The following KAZN variants were observed in gnomAD, a reference collection of about 807,000 sequenced individuals.
KAZN encodes the protein kazrin, periplakin interacting protein, also known as kazrin.
Under a neutral mutation model 87.4 loss-of-function variants are expected in KAZN, and 40 were observed. The ratio of observed to expected loss-of-function variants is 0.46; its 90% confidence interval spans 0.36 to 0.60. KAZN has a LOEUF of 0.60. KAZN is among the 20% of genes least tolerant of loss of function. The pLI is 0.00. For synonymous variants in KAZN, 466 were observed against 458.3 expected (o/e 1.02, Z -0.22); for missense variants, 898 against 1,073.9 (o/e 0.84, Z 2.29).
chr1:14,246,593 C>T (rs1649536661), intron 2 of KAZN, among the ~76,000 whole-genome samples: 2 of 151,986 alleles, frequency 1.3e-5, no homozygotes, highest in African/African-American at 4.8e-5. Flanking sequence ...TACTCCTGAC[C>T]CAGCTCAAAG....
intron 1 of KAZN, among the ~76,000 whole-genome samples, chr1:14,165,795 A>AG (rs1389550206): frequency 6.6e-6 from 1 of 152,174 alleles, no homozygotes; most frequent in Non-Finnish European, 1.5e-5. Flanking sequence ...AAATAGCTTC[A>AG]TGTCTTAGGG....
intron 8 of KAZN, among the ~76,000 whole-genome samples, chr1:15,092,060 GT>G (rs57460680): frequency 2.0e-4 from 23 of 114,422 alleles, no homozygotes; most frequent in South Asian, 5.5e-4. Flanking sequence ...TTGTTTTTTT[GT>G]TTTTTTTTTT....
intron 4 of KAZN, among the ~76,000 whole-genome samples, chr1:15,050,016 CAGAGT>C (rs1277868023): frequency 2.5e-5 from 3 of 121,630 alleles, no homozygotes; most frequent in African/African-American, 1.2e-4. Context: ...GAGACTCCAT[CAGAGT>C]AGAGTAGGGT....
chr1:14,439,458 C>T (rs1321608862), intron 2 of KAZN, among the ~76,000 whole-genome samples: 2 of 152,148 alleles, frequency 1.3e-5, no homozygotes, highest in African/African-American at 4.8e-5. Context: ...GCCAGAATGT[C>T]TCTTCTCTGC....
At chr1:14,928,521 TA>T (rs754307692) in intron 1 of KAZN, among the ~76,000 whole-genome samples, 2 of 151,444 alleles carry the variant, frequency 1.3e-5, no homozygotes, top group African/African-American at 2.4e-5. Context: ...TTTTTATCCT[TA>T]AAAAAAAAGT....
intron 2 of KAZN, among the ~76,000 whole-genome samples, chr1:14,462,326 G>C (rs1227795462): frequency 1.3e-5 from 2 of 151,978 alleles, no homozygotes; most frequent in Non-Finnish European, 2.9e-5. Context: ...ATACAAACCT[G>C]GGTCCTGGAA....
At chr1:14,871,649 AGTGTGTGT>A (rs3033520) in intron 1 of KAZN, among the ~76,000 whole-genome samples, 2 of 144,550 alleles carry the variant, frequency 1.4e-5, no homozygotes, top group Middle Eastern at 3.2e-3. Flanking sequence ...CATGAGCAGC[AGTGTGTGT>A]GTGTGTGTGT....
intron 1 of KAZN, among the ~76,000 whole-genome samples, chr1:14,169,302 C>G (rs965322026): frequency 6.6e-6 from 1 of 152,032 alleles, no homozygotes; most frequent in Non-Finnish European, 1.5e-5. Flanking sequence ...CTCTTCTCTC[C>G]CCTCCCCTCC....
intron 2 of KAZN, among the ~76,000 whole-genome samples, chr1:14,348,050 A>T (rs1323716202): frequency 8.5e-5 from 1 of 11,726 alleles, no homozygotes; most frequent in Non-Finnish European, 1.9e-4. Context: ...ACACCTGGCT[A>T]ATTTTTTTTT....
intron 2 of KAZN, among the ~76,000 whole-genome samples, chr1:14,519,011 C>T (rs1671440834): frequency 6.6e-6 from 1 of 152,060 alleles, no homozygotes; most frequent in Admixed American, 6.6e-5. Flanking sequence ...AAGTATTTTG[C>T]CTTCTTTGGG....
chr1:14,419,113 G>A (rs1197221635), intron 2 of KAZN, among the ~76,000 whole-genome samples: 1 of 152,116 alleles, frequency 6.6e-6, no homozygotes, highest in Non-Finnish European at 1.5e-5. Context: ...TTATCTCTTG[G>A]TAGCACCCCA....
chr1:14,363,028 TGAA>T (rs540398530), intron 2 of KAZN, among the ~76,000 whole-genome samples: 3 of 152,116 alleles, frequency 2.0e-5, no homozygotes, highest in African/African-American at 4.8e-5. Context: ...TCTCCTCCTA[TGAA>T]GAAGCAGCTG....
chr1:14,013,581 T>C (rs767228678), intron 1 of KAZN, among the ~76,000 whole-genome samples: 5 of 152,192 alleles, frequency 3.3e-5, no homozygotes, highest in African/African-American at 1.2e-4. Flanking sequence ...ATTCGTGCTG[T>C]ATCTCAGAGA....
intron 1 of KAZN, among the ~76,000 whole-genome samples, chr1:14,733,194 G>A (rs774739006): frequency 6.6e-6 from 1 of 152,106 alleles, no homozygotes; most frequent in Non-Finnish European, 1.5e-5. Flanking sequence ...ACTGCCCCAG[G>A]CTTGGTAATT....
chr1:14,658,075 C>T (rs2148709398), intron 1 of KAZN, among the ~76,000 whole-genome samples: 1 of 152,226 alleles, frequency 6.6e-6, no homozygotes, highest in Middle Eastern at 3.4e-3. Context: ...AGCAATTGCA[C>T]CTGGAGTCTT....
At position 14,469,180 on chromosome 1, in the gene KAZN, T is replaced by C. The variant is rs56005206; in HGVS notation, c.250-129803T>C. On this transcript the variant is annotated intron_variant, in intron 2 of 16. Transcript: ENST00000636203. Reference sequence around the variant, plus strand: ...AATCTCAGCCATAAAAAAGGTGGGGTGCTACAACCAGATTATGGGGGAATG... The same window carrying C: ...AATCTCAGCCATAAAAAAGGTGGGGCGCTACAACCAGATTATGGGGGAATG... Among the ~76,000 whole-genome samples the C allele has an allele frequency of 4.2e-3, 638 of 152,188 alleles. 4 individuals are homozygous for C. Among genetic ancestry groups the C allele is most frequent in the African/African-American group, 0.014 (563 of 41,542 alleles).
At chr1:14,473,629 C>G (rs1571736760) in intron 2 of KAZN, among the ~76,000 whole-genome samples, 1 of 145,932 alleles carries the variant, frequency 6.9e-6, no homozygotes, top group African/African-American at 2.5e-5. Context: ...CAGAGAGAGA[C>G]TCTGTCTCAA....
chr1:14,613,214 C>T (rs1677958409), intron 1 of KAZN, among the ~76,000 whole-genome samples: 1 of 152,152 alleles, frequency 6.6e-6, no homozygotes, highest in Admixed American at 6.5e-5. Context: ...GATATCTTCA[C>T]CATGAACCAA....
chr1:14,950,221 C>G (rs1433539719), intron 1 of KAZN, among the ~76,000 whole-genome samples: 1 of 151,974 alleles, frequency 6.6e-6, no homozygotes, highest in East Asian at 1.9e-4. Flanking sequence ...TCCCATCACC[C>G]CCTACCGAGT....
Sources: allele counts gnomAD v4.1 joint callset (sites outside exome capture counted in the v4.1 genomes callset), GRCh38; gene constraint gnomAD v4.1.1; transcripts MANE v1.5; gene names NCBI Gene and HGNC (gene_info 2026-07-23, HGNC 2026-07-21).